TBC1D14: variants seen among roughly 807,000 people sequenced by gnomAD.
The protein encoded by TBC1D14 is TBC1 domain family member 14, also known as TBC1 domain family, member 14.
In TBC1D14, 26 loss-of-function variants were observed where a neutral mutation model predicts 79.0. That is an observed-to-expected ratio of 0.33 (90% CI 0.24 to 0.46). The LOEUF (loss-of-function observed/expected upper bound fraction) is 0.46, where lower values mean the gene tolerates loss of function less well. Ranked by LOEUF, TBC1D14 falls within the 20% of genes least tolerant of loss-of-function variation. The pLI is 1.00. For missense variants in TBC1D14, 769 were observed against 887.6 expected (o/e 0.87, Z 1.70); for synonymous variants, 394 against 349.9 (o/e 1.13, Z -1.40).
At chr4:6,959,389 G>A (rs1039649507) in intron 2 of TBC1D14, among the ~76,000 whole-genome samples, 1 of 152,178 alleles carries the variant, frequency 6.6e-6, no homozygotes, top group Non-Finnish European at 1.5e-5. Flanking sequence ...TGCCTGCCAA[G>A]AGATAAAGTC....
At chr4:6,918,066 A>G (rs543848072) in intron 1 of TBC1D14, among the ~76,000 whole-genome samples, 2 of 152,336 alleles carry the variant, frequency 1.3e-5, no homozygotes, top group East Asian at 1.9e-4. Context: ...CAACTTCTCC[A>G]TAGGAGAGGC....
chr4:6,947,548 C>T (rs1209666364), intron 2 of TBC1D14, among the ~76,000 whole-genome samples: 1 of 151,234 alleles, frequency 6.6e-6, no homozygotes, highest in African/African-American at 2.4e-5. Context: ...TGTAATCCCA[C>T]CTACTCAGGA....
intron 7 of TBC1D14, 99 bp from the exon 8 acceptor site, chr4:7,004,745 T>A: frequency 9.0e-7 from 1 of 1,106,160 alleles, no homozygotes; most frequent in Non-Finnish European, 1.4e-6. Flanking sequence ...CCTATTATAG[T>A]TGAACTTAAG....
chr4:7,029,684 G>A (rs533164015), intron 13 of TBC1D14, among the ~76,000 whole-genome samples: 2 of 152,300 alleles, frequency 1.3e-5, no homozygotes, highest in African/African-American at 4.8e-5. Context: ...AATTAGCCAG[G>A]CGTGGTGGCA....
intron 13 of TBC1D14, among the ~76,000 whole-genome samples, chr4:7,029,131 C>T (rs1042483332): frequency 3.3e-5 from 5 of 152,242 alleles, no homozygotes; most frequent in Non-Finnish European, 5.9e-5. Flanking sequence ...TGAGCCACCA[C>T]GCCCAGCCAT....
At chr4:6,970,416 A>G (rs1716119976) in intron 3 of TBC1D14, among the ~76,000 whole-genome samples, 1 of 152,264 alleles carries the variant, frequency 6.6e-6, no homozygotes, top group Non-Finnish European at 1.5e-5. Flanking sequence ...ACACGCACTC[A>G]GAATAGTAGT....
At chr4:6,982,097 T>G (rs1212830643) in intron 3 of TBC1D14, among the ~76,000 whole-genome samples, 2 of 152,212 alleles carry the variant, frequency 1.3e-5, no homozygotes, top group Non-Finnish European at 2.9e-5. Flanking sequence ...AAACATATAC[T>G]TAGAATTAGC....
chr4:7,030,664 AC>A lies in TBC1D14; in HGVS notation c.*277del. Reference sequence around the variant, plus strand: ...ACAGTTGAACGATGGGCAGTGGCTCACCCCCACTCCTTTATTTCAGCAAAAG... The same window carrying A: ...ACAGTTGAACGATGGGCAGTGGCTCACCCCACTCCTTTATTTCAGCAAAAG... On this transcript the variant is annotated 3_prime_UTR_variant, in exon 14 of 14. Transcript: ENST00000409757. The A allele has an allele frequency of 2.8e-6, 1 of 358,330 alleles. No homozygotes were observed. Among genetic ancestry groups the A allele is most frequent in the Admixed American group, 4.0e-5 (1 of 25,082 alleles). 22.2% of individuals were successfully genotyped at this position (358,330 alleles called of 1,614,324 possible). A position where few individuals can be genotyped will look rare whatever the true frequency, so the allele number is the denominator to read the frequency against.
At position 7,009,931 on chromosome 4, in the gene TBC1D14, C is replaced by T; in HGVS notation, c.1501C>T (p.Arg501Trp). ...HSILGAYTCY[R>W]PDVGYVQGMS... ...TATTTTGGGCGCTTATACTTGTTAC[C>T]GGCCAGATGTGGGTTATGTAAGTGA... Residue 501 changes from arginine to tryptophan, a missense_variant, in exon 10 of 14, where the codon CGG (arginine) becomes TGG (tryptophan). Physicochemically the swap from Arg to Trp is moderately radical, Grantham distance 101. This residue lies in a region of TBC1D14 where 367 missense variants were observed against 494.4 expected (regional missense o/e 0.74). Transcript: ENST00000409757. 6.2e-7 allele frequency: 1 copy of T among 1,614,080 alleles called. No individual in the cohort carries two copies. Among genetic ancestry groups the T allele is most frequent in the African/African-American group, 1.3e-5 (1 of 75,014 alleles).
At chr4:6,941,347 G>A (rs1489352014) in intron 2 of TBC1D14, among the ~76,000 whole-genome samples, 1 of 151,992 alleles carries the variant, frequency 6.6e-6, no homozygotes, top group Non-Finnish European at 1.5e-5. Flanking sequence ...CACCACGCCT[G>A]GCTAATTTTT....
chr4:6,990,383 A>T (rs2109137428), intron 3 of TBC1D14, among the ~76,000 whole-genome samples: 1 of 152,352 alleles, frequency 6.6e-6, no homozygotes, highest in East Asian at 1.9e-4. Flanking sequence ...CGGGAGGCAG[A>T]GGTTGCAGTG....
In TBC1D14 at chr4:7,010,799, T is replaced by C. The variant is rs75355066; in HGVS notation, c.1647+18T>C. 30 of 1,611,962 alleles carry C rather than the reference T, an allele frequency of 1.9e-5. No individual in the cohort carries two copies. In the East Asian group the frequency reaches 6.7e-4, roughly 36 times the overall value. On this transcript the variant is annotated intron_variant, in intron 11 of 13. Transcript: ENST00000409757. ...ATGGCCTTGTGAGTATCCTCTGTGTTCGGGCCCTGGGTACTGTGTCTTTAA... is the reference window on the plus strand; with the variant it reads ...ATGGCCTTGTGAGTATCCTCTGTGTCCGGGCCCTGGGTACTGTGTCTTTAA...
At chr4:7,021,800 G>A (rs1721864955) in intron 12 of TBC1D14, among the ~76,000 whole-genome samples, 2 of 152,160 alleles carry the variant, frequency 1.3e-5, no homozygotes, top group South Asian at 4.1e-4. Flanking sequence ...CTTGAATTCT[G>A]TCTTCCGACC....
chr4:6,978,750 A>AG (rs1356764699), intron 3 of TBC1D14, among the ~76,000 whole-genome samples: 1 of 151,694 alleles, frequency 6.6e-6, no homozygotes, highest in Non-Finnish European at 1.5e-5. Flanking sequence ...AAAAAAAAAA[A>AG]AAAAAAGAAA....
intron 1 of TBC1D14, among the ~76,000 whole-genome samples, chr4:6,917,066 C>T (rs550331538): frequency 6.6e-6 from 1 of 152,344 alleles, no homozygotes; most frequent in African/African-American, 2.4e-5. Flanking sequence ...GGTCACTGCT[C>T]AGCTGCTGGT....
chr4:7,006,261 T>C (rs1320285373), intron 8 of TBC1D14, among the ~76,000 whole-genome samples: 1 of 149,902 alleles, frequency 6.7e-6, no homozygotes, highest in Non-Finnish European at 1.5e-5. Flanking sequence ...ATGTTTGAGA[T>C]CGAGCAGTGA....
intron 11 of TBC1D14, among the ~76,000 whole-genome samples, chr4:7,011,155 G>A (rs554453333): frequency 2.6e-5 from 4 of 152,326 alleles, no homozygotes; most frequent in East Asian, 3.9e-4. Context: ...AGAACATGTC[G>A]TAATCGAGCG....
At chr4:6,921,557 G>T (rs962243330) in intron 1 of TBC1D14, among the ~76,000 whole-genome samples, 4 of 150,650 alleles carry the variant, frequency 2.7e-5, no homozygotes, top group Non-Finnish European at 4.4e-5. Context: ...ATGGAGCCTC[G>T]CCCTGTCGCC....
rs530381572 is a variant in TBC1D14 at position 6,951,671 on chromosome 4, G to T, written c.723-15633G>T. Reference sequence around the variant, plus strand: ...AGTCTGTTTCTTATGATTAAATGATGCCAATAAATAATTTGTCGAATGATC... The same window carrying T: ...AGTCTGTTTCTTATGATTAAATGATTCCAATAAATAATTTGTCGAATGATC... On this transcript the variant is annotated intron_variant, in intron 2 of 13. Transcript: ENST00000409757. Among the ~76,000 whole-genome samples, 41 of 14,200 alleles carry T rather than the reference G, an allele frequency of 2.9e-3. No individual in the cohort carries two copies. In the East Asian group the frequency reaches 0.078, roughly 27 times the overall value. 9.3% of individuals were successfully genotyped at this position (14,200 alleles called of 152,430 possible). A position where few individuals can be genotyped will look rare whatever the true frequency, so the allele number is the denominator to read the frequency against.
Sources: allele counts gnomAD v4.1 joint callset (sites outside exome capture counted in the v4.1 genomes callset), GRCh38; gene constraint gnomAD v4.1.1; regional missense constraint gnomAD v4.1.1; transcripts MANE v1.5; gene names NCBI Gene and HGNC (gene_info 2026-07-23, HGNC 2026-07-21).